The following FAXDC2 variants were observed in gnomAD, a reference collection of about 807,000 sequenced individuals.
FAXDC2 encodes the protein fatty acid hydroxylase domain containing 2, also known as fatty acid hydroxylase domain-containing protein 2.
Under a neutral mutation model 40.9 loss-of-function variants are expected in FAXDC2, and 41 were observed. That is an observed-to-expected ratio of 1.00 (90% confidence interval 0.78 to 1.30). FAXDC2 has a LOEUF of 1.30. Ranked by LOEUF, FAXDC2 falls within the 50% of genes most tolerant of loss-of-function variation. FAXDC2 has a pLI of 0.00. For missense variants in FAXDC2, 390 were observed against 408.8 expected, an observed-to-expected ratio of 0.95 and a Z score of 0.40; for synonymous variants, 157 against 149.3, an observed-to-expected ratio of 1.05 and a Z score of -0.38.
chr5:154,833,867 A>C (rs963063199), intron 4 of FAXDC2, among the ~76,000 whole-genome samples: 1 of 149,818 alleles, frequency 6.7e-6, no homozygotes, highest in Admixed American at 6.6e-5. Flanking sequence ...ACGAGGCTTC[A>C]CTATGTTGGC....
At chr5:154,838,261 A>T in intron 1 of FAXDC2, 83 bp from the exon 2 acceptor site, 1 of 1,247,264 alleles carries the variant, frequency 8.0e-7, no homozygotes, top group Non-Finnish European at 1.1e-6. Flanking sequence ...GTCAAAGTGT[A>T]TGGCTAGCAG....
chr5:154,824,075 C>T (rs1184937182), intron 5 of FAXDC2: 3 of 234,522 alleles, frequency 1.3e-5, no homozygotes, highest in Non-Finnish European at 2.5e-5. Context: ...CTGCAGTAGG[C>T]CCAGAGCAAA....
At chr5:154,825,670 C>CAAAAAAAAAAAAAAA (rs1561652954) in intron 5 of FAXDC2, among the ~76,000 whole-genome samples, 1 of 73,134 alleles carries the variant, frequency 1.4e-5, no homozygotes, top group Non-Finnish European at 2.4e-5. Context: ...AAAAAAAAAG[C>CAAAAAAAAAAAAAAA]AGTAATATAG....
At position 154,820,117 on chromosome 5, in the gene FAXDC2, A is replaced by G; in HGVS notation, c.*199T>C. ...TTTTCTTAAGCTAACTCCTGATCCC[A>G]TTGAGGGACATCAAGGGCAGTAGTT... On this transcript the variant is annotated 3_prime_UTR_variant, in exon 9 of 9. Transcript: ENST00000326080. 1 of 572,474 alleles carries G rather than the reference A, an allele frequency of 1.7e-6. No homozygotes were observed. 35.5% of individuals were successfully genotyped at this position (572,474 alleles called of 1,614,324 possible). A position where few individuals can be genotyped will look rare whatever the true frequency, so the allele number is the denominator to read the frequency against.
intron 7 of FAXDC2, chr5:154,822,269 AAG>A: frequency 1.8e-6 from 1 of 553,710 alleles, no homozygotes; most frequent in Non-Finnish European, 3.2e-6. Flanking sequence ...AAAAGAAAAA[AAG>A]AAAGTTGTTG....
At chr5:154,835,009 C>T (rs1244337446) in intron 2 of FAXDC2, 75 bp from the exon 3 acceptor site, 3 of 929,112 alleles carry the variant, frequency 3.2e-6, no homozygotes, top group Non-Finnish European at 3.4e-6. Flanking sequence ...TGAGGCACAG[C>T]GGGAGTGCTG....
intron 1 of FAXDC2, among the ~76,000 whole-genome samples, chr5:154,845,791 T>A (rs969735893): frequency 7.3e-6 from 1 of 137,482 alleles, no homozygotes; most frequent in Non-Finnish European, 1.6e-5. Flanking sequence ...GGACACCTAT[T>A]TTTTTTTTTT....
intron 1 of FAXDC2, among the ~76,000 whole-genome samples, chr5:154,841,143 A>C (rs920252858): frequency 2.6e-5 from 4 of 151,664 alleles, no homozygotes; most frequent in African/African-American, 9.7e-5. Context: ...CAGAGACGGG[A>C]ATGGGTTTCA....
At position 154,822,481 on chromosome 5, in the gene FAXDC2, T is replaced by C. The variant is rs1431308602; in HGVS notation, c.669A>G (p.Ile223Met). ...IGVISLYAHP[I>M]EHAVSNMLPV... Reference sequence around the variant, plus strand: ...ATAGAGCTCTACTCACTGCATGCTCTATAGGGTGGGCATAGAGAGAGATCA... The same window carrying C: ...ATAGAGCTCTACTCACTGCATGCTCCATAGGGTGGGCATAGAGAGAGATCA... The change falls in exon 7 of 9, where the codon ATA becomes ATG. Residue 223 changes from isoleucine to methionine, a missense_variant. By Grantham distance (10) the Ile-to-Met change is conservative. Transcript: ENST00000326080. The C allele has an allele frequency of 6.2e-7, 1 of 1,612,448 alleles. No individual in the cohort carries two copies. Among genetic ancestry groups the C allele is most frequent in the African/African-American group, 1.3e-5 (1 of 74,884 alleles).
rs1045879349 is a variant in FAXDC2, at chr5:154,821,289, C to T, written c.816G>A (p.Ser272=). The T allele has an allele frequency of 1.9e-5, 30 of 1,611,492 alleles. No individual in the cohort carries two copies. The highest frequency in any genetic ancestry group is 6.7e-5 in the African/African-American group (5 of 74,628). ...HCGYHLPFLP[S]PEFHDYHHLK... is the part of the protein sequence containing the mutation. ...GATGGTGGTAGTCGTGGAATTCAGGCGAAGGCAGGAAGGGAAGGTGGTAGC... is the reference window on the plus strand; with the variant it reads ...GATGGTGGTAGTCGTGGAATTCAGGTGAAGGCAGGAAGGGAAGGTGGTAGC... The change falls in exon 8 of 9, where the codon TCG becomes TCA. Residue 272 remains serine (S), a synonymous_variant. Coordinates refer to ENST00000326080, the MANE Select transcript of FAXDC2 (RefSeq NM_032385.5).
intron 4 of FAXDC2, among the ~76,000 whole-genome samples, chr5:154,832,009 A>T (rs962874912): frequency 9.2e-5 from 14 of 152,200 alleles, no homozygotes; most frequent in Admixed American, 4.6e-4. Flanking sequence ...GCATGGAAAG[A>T]TACCTACAAT....
chr5:154,824,301 C>T (rs1481506521), intron 5 of FAXDC2: 16 of 594,270 alleles, frequency 2.7e-5, no homozygotes, highest in Non-Finnish European at 4.2e-5. Flanking sequence ...TGTCAGAGCA[C>T]TGGGGCTCCA....
At position 154,846,235 on chromosome 5, in the gene FAXDC2, T is replaced by C. The variant is rs189708009; in HGVS notation, c.-1+4248A>G. On this transcript the variant is annotated intron_variant, in intron 1 of 8. Transcript: ENST00000326080. ...TTGAAAGGGACACAAAAGCATGAGATTGGCCTATATTAGCCATGAATAGTG... is the reference window on the plus strand; with the variant it reads ...TTGAAAGGGACACAAAAGCATGAGACTGGCCTATATTAGCCATGAATAGTG... Among the ~76,000 whole-genome samples, 13 of 151,044 alleles carry C rather than the reference T, an allele frequency of 8.6e-5. No homozygotes were observed. In the East Asian group the frequency reaches 2.5e-3, roughly 29 times the overall value.
intron 7 of FAXDC2, chr5:154,821,933 AC>A (rs1483941868): frequency 6.4e-6 from 1 of 156,556 alleles, no homozygotes. Context: ...TACTAAAAAT[AC>A]AAAAATCAGC....
chr5:154,823,833 G>T, intron 5 of FAXDC2: 1 of 510,528 alleles, frequency 2.0e-6, no homozygotes, highest in Non-Finnish European at 3.6e-6. Context: ...GTCTGTGTCG[G>T]AACCTGCCTT....
Position 154,838,188 on chromosome 5 carries a change from G to A in FAXDC2, c.1-10C>T. The A allele has an allele frequency of 6.2e-7, 1 of 1,612,990 alleles. No individual in the cohort carries two copies. The highest frequency in any genetic ancestry group is 8.5e-7 in the Non-Finnish European group (1 of 1,179,610). Reference sequence around the variant, plus strand: ...CAGCTTCTCCTTTCATCTGGAATGAGAAAGCACAGGCGAGCCGGGGAGTTA... The same window carrying A: ...CAGCTTCTCCTTTCATCTGGAATGAAAAAGCACAGGCGAGCCGGGGAGTTA... On this transcript the variant is annotated splice_polypyrimidine_tract_variant and intron_variant, in intron 1 of 8. Transcript: ENST00000326080.
At chr5:154,825,943 A>G (rs369693632) in intron 5 of FAXDC2, among the ~76,000 whole-genome samples, 2 of 152,130 alleles carry the variant, frequency 1.3e-5, no homozygotes, top group Admixed American at 1.3e-4. Context: ...ACGATCAGAA[A>G]TGCTCTTTTG....
intron 1 of FAXDC2, among the ~76,000 whole-genome samples, chr5:154,846,269 AGTGTGT>A (rs10674936): frequency 1.3e-4 from 19 of 147,444 alleles, no homozygotes; most frequent in African/African-American, 3.0e-4. Flanking sequence ...TGAACTAGAT[AGTGTGT>A]GTGTGTGTGT....
At position 154,845,931 on chromosome 5, in the gene FAXDC2, A is replaced by G. The variant is rs111767994; in HGVS notation, c.-1+4552T>C. Among the ~76,000 whole-genome samples, 206 of 151,252 alleles carry G rather than the reference A, an allele frequency of 1.4e-3. 1 individual carries two copies. Among genetic ancestry groups the G allele is most frequent in the African/African-American group, 4.8e-3 (198 of 41,282 alleles). ...CTCCTGAGTAGCTGGGATTACAGGCATGCGTCACCACACCCAGCTAATTTT... is the reference window on the plus strand; with the variant it reads ...CTCCTGAGTAGCTGGGATTACAGGCGTGCGTCACCACACCCAGCTAATTTT... On this transcript the variant is annotated intron_variant, in intron 1 of 8. Coordinates refer to ENST00000326080, the MANE Select transcript of FAXDC2 (RefSeq NM_032385.5).
Sources: allele counts gnomAD v4.1 joint callset (sites outside exome capture counted in the v4.1 genomes callset), GRCh38; gene constraint gnomAD v4.1.1; transcripts MANE v1.5; gene names NCBI Gene and HGNC (gene_info 2026-07-23, HGNC 2026-07-21).